The following PLD5 variants were observed in gnomAD, a reference collection of about 807,000 sequenced individuals.
PLD5 encodes inactive phospholipase D5.
PLD5 carries 36 observed loss-of-function variants against 61.1 expected under a neutral mutation model. That is an observed-to-expected ratio of 0.59 (90% CI 0.45 to 0.78). The LOEUF (loss-of-function observed/expected upper bound fraction) is 0.78. Among genes scored for constraint, PLD5 ranks in the 30% least tolerant of loss-of-function variants. The pLI is 0.00. For missense variants in PLD5, 515 were observed against 644.4 expected, an observed-to-expected ratio of 0.80 and a Z score of 2.17; for synonymous variants, 243 against 242.8, an observed-to-expected ratio of 1.00 and a Z score of -0.01.
chr1:242,094,646 A>C (rs1660085177), intron 9 of PLD5, among the ~76,000 whole-genome samples: 1 of 152,196 alleles, frequency 6.6e-6, no homozygotes, highest in African/African-American at 2.4e-5. Context: ...TATGTGTAAA[A>C]TTCACTCATT....
At chr1:242,302,982 C>T (rs1349198295) in intron 2 of PLD5, among the ~76,000 whole-genome samples, 1 of 152,010 alleles carries the variant, frequency 6.6e-6, no homozygotes, top group Non-Finnish European at 1.5e-5. Flanking sequence ...ATGAAATTCT[C>T]CTGGATATTT....
chr1:242,352,703 A>G (rs573566577), intron 1 of PLD5, among the ~76,000 whole-genome samples: 2 of 152,288 alleles, frequency 1.3e-5, no homozygotes, highest in African/African-American at 2.4e-5. Context: ...GACCTTGCCA[A>G]TGCTGGTCTT....
In PLD5 at chr1:242,524,362, C is replaced by A; in HGVS notation, c.-86G>T. On this transcript the variant is annotated 5_prime_UTR_variant, in exon 1 of 10. Coordinates refer to ENST00000536534, the MANE Select transcript of PLD5 (RefSeq NM_001372062.1). The stretch of plus-strand genomic sequence containing the variant: ...GGGCGCGGAGGGCGAGCGGGAGGCC[C>A]AGCGGGAGCCGGAGGTGGAGCTGGA... 8.0e-7 allele frequency: 1 copy of A among 1,249,796 alleles called. No individual in the cohort carries two copies. Among genetic ancestry groups the A allele is most frequent in the Non-Finnish European group, 1.0e-6 (1 of 971,444 alleles). 77.4% of individuals were successfully genotyped at this position (1,249,796 alleles called of 1,614,324 possible).
At position 242,438,255 on chromosome 1, in the gene PLD5, GA is replaced by G. The variant is rs1200447312; in HGVS notation, c.189+85832del. 6.7e-5 allele frequency among the ~76,000 whole-genome samples: 10 copies of G among 148,716 alleles called. 1 individual carries two copies. The highest frequency in any genetic ancestry group is 2.7e-4 in the Admixed American group (4 of 14,864). ...AGCATGTATGGTTGCTTGCACATTA[GA>G]AAAAAAAATTTTTTTTTTTTTTTTT... is the stretch of plus-strand genomic sequence containing the variant. On this transcript the variant is annotated intron_variant, in intron 1 of 9. Coordinates refer to ENST00000536534, the MANE Select transcript of PLD5 (RefSeq NM_001372062.1).
chr1:242,501,809 T>TATAC (rs1491464865), intron 1 of PLD5, among the ~76,000 whole-genome samples: 3 of 145,790 alleles, frequency 2.1e-5, no homozygotes, highest in African/African-American at 5.0e-5. Flanking sequence ...TATATATATA[T>TATAC]ACACTACATC....
chr1:242,209,815 G>C (rs780018442), intron 5 of PLD5, among the ~76,000 whole-genome samples: 2 of 152,184 alleles, frequency 1.3e-5, no homozygotes, highest in Non-Finnish European at 2.9e-5. Context: ...TCATCTTTGA[G>C]ATGGAGTCTC....
intron 4 of PLD5, among the ~76,000 whole-genome samples, chr1:242,244,670 T>G (rs906474152): frequency 6.6e-6 from 1 of 152,204 alleles, no homozygotes; most frequent in Admixed American, 6.5e-5. Flanking sequence ...TTACGGAGAA[T>G]GCACTGCAAA....
chr1:242,297,930 C>T (rs1471952058), intron 2 of PLD5, among the ~76,000 whole-genome samples: 19 of 152,154 alleles, frequency 1.2e-4, no homozygotes, highest in Admixed American at 2.0e-4. Context: ...TGAGCCACCG[C>T]GCCCGGCCCG....
chr1:242,396,853 T>C (rs1177405758), intron 1 of PLD5, among the ~76,000 whole-genome samples: 1 of 151,996 alleles, frequency 6.6e-6, no homozygotes, highest in Non-Finnish European at 1.5e-5. Flanking sequence ...CTAATTTTTG[T>C]ATTTTTAGCA....
chr1:242,176,917 A>G (rs975867658), intron 5 of PLD5, among the ~76,000 whole-genome samples: 2 of 152,236 alleles, frequency 1.3e-5, no homozygotes, highest in African/African-American at 4.8e-5. Context: ...TTTAAAAGTC[A>G]GGAAACAACA....
chr1:242,155,676 A>G (rs1665305487), intron 5 of PLD5, among the ~76,000 whole-genome samples: 1 of 152,126 alleles, frequency 6.6e-6, no homozygotes, highest in Non-Finnish European at 1.5e-5. Flanking sequence ...AAGTTTCTTA[A>G]TCCTGAGTCC....
intron 2 of PLD5, among the ~76,000 whole-genome samples, chr1:242,289,152 C>T (rs1675205207): frequency 6.6e-6 from 1 of 152,142 alleles, no homozygotes; most frequent in South Asian, 2.1e-4. Flanking sequence ...CCTAAATAAA[C>T]TGCAATTGGC....
At chr1:242,102,262 T>C (rs967192473) in intron 8 of PLD5, among the ~76,000 whole-genome samples, 1 of 152,182 alleles carries the variant, frequency 6.6e-6, no homozygotes, top group East Asian at 1.9e-4. Context: ...AAAATATACA[T>C]CTTGAGTTAA....
intron 5 of PLD5, among the ~76,000 whole-genome samples, chr1:242,219,041 C>A (rs1028648046): frequency 1.3e-5 from 2 of 152,182 alleles, no homozygotes; most frequent in African/African-American, 2.4e-5. Flanking sequence ...CACTGGACAA[C>A]TTCACAAACT....
At chr1:242,348,924 G>T (rs1297633407) in intron 1 of PLD5, among the ~76,000 whole-genome samples, 1 of 152,102 alleles carries the variant, frequency 6.6e-6, no homozygotes, top group Non-Finnish European at 1.5e-5. Context: ...CGTGGTGGCA[G>T]GCGCCTGTAA....
chr1:242,210,679 G>C (rs982335810), intron 5 of PLD5: 5 of 151,710 alleles, frequency 3.3e-5, no homozygotes, highest in African/African-American at 1.2e-4. Flanking sequence ...CCCCACTCCT[G>C]CCCGCCAGGG....
At chr1:242,100,807 AGG>A in intron 8 of PLD5, 25 bp from the exon 9 acceptor site, 1 of 1,486,998 alleles carries the variant, frequency 6.7e-7, no homozygotes, top group Non-Finnish European at 9.4e-7. Context: ...AAAAGGGGGC[AGG>A]TAAATAAGAG....
chr1:242,413,710 G>A (rs34191670), intron 1 of PLD5, among the ~76,000 whole-genome samples: 66,986 of 152,008 alleles, frequency 0.44, 16,323 homozygotes, highest in African/African-American at 0.66. Flanking sequence ...TGGAGGAAGT[G>A]ATACCTCTGG....
At position 242,124,656 on chromosome 1, in the gene PLD5, G is replaced by C; in HGVS notation, c.745C>G (p.Leu249Val). Residue 249 changes from leucine (L) to valine (V), a missense_variant, in exon 6 of 10, where the codon CTC (leucine) becomes GTC (valine). Physicochemically the swap from Leu to Val is conservative, Grantham distance 32 (BLOSUM62 1). Transcript: ENST00000536534. ...CTGCAGTTGTAGAAGATGACACCGA[G>C]TTCTTTCATCTGTGAAATTAAAATT... The part of the protein sequence containing the change: ...DWQSLGQMKE[L>V]GVIFYNCSCL... The C allele has an allele frequency of 6.2e-7, 1 of 1,612,638 alleles. No homozygotes were observed. Among genetic ancestry groups the C allele is most frequent in the Non-Finnish European group, 8.5e-7 (1 of 1,179,030 alleles).
Sources: allele counts gnomAD v4.1 joint callset (sites outside exome capture counted in the v4.1 genomes callset), GRCh38; gene constraint gnomAD v4.1.1; transcripts MANE v1.5; gene names NCBI Gene and HGNC (gene_info 2026-07-23, HGNC 2026-07-21).